MARCHF3: variants seen among roughly 807,000 people sequenced by gnomAD.
MARCHF3 encodes the protein E3 ubiquitin-protein ligase MARCHF3.
MARCHF3 carries 13 observed loss-of-function variants against 24.2 expected under a neutral mutation model. The observed-to-expected ratio is 0.54, with a 90% CI of 0.35 to 0.85. MARCHF3 has a LOEUF of 0.85. MARCHF3 is among the 40% of genes least tolerant of loss of function. The pLI is 0.01. For missense variants in MARCHF3, 276 were observed against 325.0 expected (o/e 0.85, Z 1.16); for synonymous variants, 144 against 137.3 (o/e 1.05, Z -0.34).
intron 1 of MARCHF3, among the ~76,000 whole-genome samples, chr5:126,968,585 A>G (rs1205331709): frequency 6.6e-6 from 1 of 152,006 alleles, no homozygotes; most frequent in Non-Finnish European, 1.5e-5. Context: ...TTGGGTTATT[A>G]TTATTTTTGA....
chr5:126,960,548 A>T (rs1429744430), intron 1 of MARCHF3, among the ~76,000 whole-genome samples: 1 of 147,856 alleles, frequency 6.8e-6, no homozygotes, highest in African/African-American at 2.6e-5. Flanking sequence ...TAATTTTTTA[A>T]CACTTATTAA....
chr5:126,934,586 C>T (rs1273488535), intron 1 of MARCHF3, among the ~76,000 whole-genome samples: 1 of 151,908 alleles, frequency 6.6e-6, no homozygotes, highest in African/African-American at 2.4e-5. Context: ...ATCTCTAAAA[C>T]AAAGCATCCC....
intron 1 of MARCHF3, among the ~76,000 whole-genome samples, chr5:127,005,466 T>C (rs1218355911): frequency 1.3e-5 from 2 of 152,076 alleles, no homozygotes; most frequent in African/African-American, 4.8e-5. Context: ...TCAGATTATG[T>C]TACCACGTGA....
At chr5:127,026,841 A>G (rs1272660362) in intron 1 of MARCHF3, among the ~76,000 whole-genome samples, 1 of 152,178 alleles carries the variant, frequency 6.6e-6, no homozygotes, top group Non-Finnish European at 1.5e-5. Context: ...AACAGAAATT[A>G]CTCTGTAAAA....
At chr5:126,991,403 T>C (rs1683412692) in intron 1 of MARCHF3, among the ~76,000 whole-genome samples, 1 of 151,120 alleles carries the variant, frequency 6.6e-6, no homozygotes, top group Non-Finnish European at 1.5e-5. Flanking sequence ...TGTTAGGGGG[T>C]GGGAGTCTAG....
chr5:127,000,602 T>C (rs1283516378), intron 1 of MARCHF3, among the ~76,000 whole-genome samples: 5 of 152,186 alleles, frequency 3.3e-5, no homozygotes, highest in African/African-American at 1.2e-4. Context: ...CAGCTTTACA[T>C]TACCAACAGG....
intron 1 of MARCHF3, among the ~76,000 whole-genome samples, chr5:127,005,203 C>A (rs1364735066): frequency 1.4e-5 from 2 of 143,226 alleles, no homozygotes; most frequent in African/African-American, 5.3e-5. Flanking sequence ...GTGGCACGAT[C>A]TCAGCTCACT....
chr5:126,917,429 G>A (rs937110240), intron 2 of MARCHF3, among the ~76,000 whole-genome samples: 1 of 152,158 alleles, frequency 6.6e-6, no homozygotes, highest in Non-Finnish European at 1.5e-5. Context: ...TAGAGTGTGC[G>A]TGAAGGGTCA....
At chr5:127,002,055 T>C (rs1396229888) in intron 1 of MARCHF3, among the ~76,000 whole-genome samples, 1 of 151,850 alleles carries the variant, frequency 6.6e-6, no homozygotes, top group Non-Finnish European at 1.5e-5. Context: ...AGAAACAGAG[T>C]AAGACCAAGG....
chr5:127,005,244 C>G (rs1185138407), intron 1 of MARCHF3, among the ~76,000 whole-genome samples: 2 of 148,196 alleles, frequency 1.3e-5, no homozygotes, highest in Non-Finnish European at 3.0e-5. Context: ...TCAAGCAATT[C>G]TCCTGTCTCA....
chr5:126,967,220 T>C (rs1216400100), intron 1 of MARCHF3, among the ~76,000 whole-genome samples: 1 of 152,028 alleles, frequency 6.6e-6, no homozygotes, highest in African/African-American at 2.4e-5. Context: ...TTCAAAAGAA[T>C]CAACTGGAAA....
chr5:126,904,641 G>T (rs1483688277), intron 3 of MARCHF3, among the ~76,000 whole-genome samples: 1 of 149,490 alleles, frequency 6.7e-6, no homozygotes, highest in African/African-American at 2.5e-5. Context: ...CATGTCCTTC[G>T]CCCACTTTTT....
intron 1 of MARCHF3, among the ~76,000 whole-genome samples, chr5:126,951,903 A>C (rs1253799776): frequency 6.6e-6 from 1 of 151,886 alleles, no homozygotes; most frequent in Non-Finnish European, 1.5e-5. Context: ...CTGGAGTGCA[A>C]TGGCACTATC....
At chr5:126,946,808 G>T (rs1251901096) in intron 1 of MARCHF3, among the ~76,000 whole-genome samples, 12 of 143,638 alleles carry the variant, frequency 8.4e-5, no homozygotes, top group African/African-American at 3.1e-4. Flanking sequence ...CTGTGTGTGT[G>T]TGGTGGAGGG....
At position 126,998,626 on chromosome 5, in the gene MARCHF3, A is replaced by G. The variant is rs1393946630; in HGVS notation, c.-57+31724T>C. On this transcript the variant is annotated intron_variant, in intron 1 of 4. Transcript: ENST00000308660. The stretch of plus-strand genomic sequence containing the variant: ...AACAGGCAGGGAGGTGGGGTAAGGG[A>G]AGGTCAGGAGCAGGGTAAGAAGGAG... Among the ~76,000 whole-genome samples the G allele has an allele frequency of 2.6e-5, 4 of 152,124 alleles. No individual in the cohort carries two copies. The East Asian group carries it at 7.7e-4, about 29-fold the overall frequency.
chr5:126,933,942 A>T (rs921863240), intron 1 of MARCHF3, among the ~76,000 whole-genome samples: 1 of 152,208 alleles, frequency 6.6e-6, no homozygotes, highest in African/African-American at 2.4e-5. Flanking sequence ...ATGATTGTAA[A>T]GTCATTCTCT....
intron 3 of MARCHF3, among the ~76,000 whole-genome samples, chr5:126,886,896 CT>C (rs1192906458): frequency 6.6e-6 from 1 of 152,182 alleles, no homozygotes; most frequent in African/African-American, 2.4e-5. Flanking sequence ...CCCCTTCCCC[CT>C]ATATCCAGTC....
At chr5:127,021,391 AT>A (rs1242740278) in intron 1 of MARCHF3, among the ~76,000 whole-genome samples, 1 of 152,214 alleles carries the variant, frequency 6.6e-6, no homozygotes, top group Non-Finnish European at 1.5e-5. Context: ...CCTACAAGAA[AT>A]TTTTAGAATT....
At chr5:127,010,750 T>C (rs900620002) in intron 1 of MARCHF3, among the ~76,000 whole-genome samples, 2 of 152,222 alleles carry the variant, frequency 1.3e-5, no homozygotes, top group Non-Finnish European at 2.9e-5. Flanking sequence ...TAGGAAATTC[T>C]GACATATACT....
Sources: allele counts gnomAD v4.1 joint callset (sites outside exome capture counted in the v4.1 genomes callset), GRCh38; gene constraint gnomAD v4.1.1; transcripts MANE v1.5; gene names NCBI Gene and HGNC (gene_info 2026-07-23, HGNC 2026-07-21).